Variants in MAPDA observed in about 807,000 individuals in gnomAD.
The protein encoded by MAPDA is N6,N6-dimethyl-AMP deaminase.
At chr15:43,351,054 G>C in the MAPDA span, 5 of 1,549,374 alleles carry the variant, frequency 3.2e-6, no homozygotes, top group South Asian at 4.8e-5. Flanking sequence ...AAGGTGTTCC[G>C]TGTGAAGTAT....
chr15:43,338,408 A>G, the MAPDA span, among the ~76,000 whole-genome samples: 2 of 152,222 alleles, frequency 1.3e-5, no homozygotes, highest in South Asian at 2.1e-4. Context: ...TGTACCAGAC[A>G]TTATTCTTAG....
At chr15:43,350,300 G>C in the MAPDA span, among the ~76,000 whole-genome samples, 1 of 149,558 alleles carries the variant, frequency 6.7e-6, no homozygotes. Context: ...GGATGGTCTC[G>C]ATCTCCTGAC....
the MAPDA span, among the ~76,000 whole-genome samples, chr15:43,342,047 C>G: frequency 6.6e-6 from 1 of 152,048 alleles, no homozygotes; most frequent in African/African-American, 2.4e-5. Flanking sequence ...CCATGTTGGC[C>G]AGGGTGGTCT....
At chr15:43,344,369 G>GA in the MAPDA span, among the ~76,000 whole-genome samples, 1 of 149,184 alleles carries the variant, frequency 6.7e-6, no homozygotes, top group Non-Finnish European at 1.5e-5. Context: ...GTTGCTAAGT[G>GA]AAAAAAAAAG....
At chr15:43,334,633 T>TTATATATATATATATATATATATA in the MAPDA span, among the ~76,000 whole-genome samples, 1,229 of 64,694 alleles carry the variant, frequency 0.019, 105 homozygotes, top group Non-Finnish European at 0.033. Flanking sequence ...CTCAAAAAAA[T>TTATATATATATATATATATATATA]TATATATATA....
chr15:43,352,029 C>T, the MAPDA span: 3 of 1,373,654 alleles, frequency 2.2e-6, no homozygotes, highest in Non-Finnish European at 2.9e-6. Context: ...TCCACCACTC[C>T]TTTGAAGCAT....
chr15:43,335,827 G>T, the MAPDA span: 1 of 1,612,370 alleles, frequency 6.2e-7, no homozygotes. Context: ...CTTTGGAAGA[G>T]TAAGTGTGGG....
At chr15:43,354,165 T>C in the MAPDA span, 1 of 152,126 alleles carries the variant, frequency 6.6e-6, no homozygotes, top group Non-Finnish European at 1.5e-5. Flanking sequence ...GGGAAAAAAC[T>C]CCACACATTT....
the MAPDA span, among the ~76,000 whole-genome samples, chr15:43,334,633 T>TAATATATATATATATATATATATATATA: frequency 1.5e-5 from 1 of 65,142 alleles, no homozygotes; most frequent in Non-Finnish European, 4.7e-5. Context: ...CTCAAAAAAA[T>TAATATATATATATATATATATATATATA]TATATATATA....
chr15:43,330,387 C>A, the MAPDA span: 1 of 1,585,054 alleles, frequency 6.3e-7, no homozygotes, highest in Non-Finnish European at 8.5e-7. Flanking sequence ...GCAAAGGGGT[C>A]CTGCACGTAC....
At chr15:43,354,382 G>T in the MAPDA span, 1 of 152,064 alleles carries the variant, frequency 6.6e-6, no homozygotes, top group African/African-American at 2.4e-5. Context: ...AAATTGCACA[G>T]TAAAAACATC....
the MAPDA span, among the ~76,000 whole-genome samples, chr15:43,333,109 G>A: frequency 6.6e-6 from 1 of 152,236 alleles, no homozygotes; most frequent in South Asian, 2.1e-4. Flanking sequence ...CACAAATTAA[G>A]GTCAGGATCC....
the MAPDA span, chr15:43,351,779 A>C: frequency 2.6e-6 from 4 of 1,550,204 alleles, no homozygotes. Context: ...TTTGCAACAC[A>C]CCTTTCTCAA....
At chr15:43,330,398 C>T in the MAPDA span, 1 of 1,579,664 alleles carries the variant, frequency 6.3e-7, no homozygotes, top group South Asian at 1.2e-5. Flanking sequence ...CTGCACGTAC[C>T]CGCGCGCGGC....
the MAPDA span, among the ~76,000 whole-genome samples, chr15:43,333,713 T>TTATTTC: frequency 6.6e-6 from 1 of 152,312 alleles, no homozygotes; most frequent in Admixed American, 6.5e-5. Context: ...TTCAATACAG[T>TTATTTC]AATATTTCAC....
At chr15:43,335,247 A>G in the MAPDA span, 1 of 1,537,378 alleles carries the variant, frequency 6.5e-7, no homozygotes, top group Non-Finnish European at 8.9e-7. Flanking sequence ...CATCAAAGTA[A>G]ATTTTGGCTG....
chr15:43,344,972 T>G, the MAPDA span, among the ~76,000 whole-genome samples: 1 of 152,100 alleles, frequency 6.6e-6, no homozygotes, highest in Non-Finnish European at 1.5e-5. Flanking sequence ...GATCTCACCC[T>G]CCTAAGAACA....
chr15:43,342,977 C>G, the MAPDA span: 1 of 1,528,486 alleles, frequency 6.5e-7, no homozygotes, highest in Non-Finnish European at 8.9e-7. Context: ...CATGTATTTT[C>G]TATGTGTCCT....
At chr15:43,334,965 A>G in the MAPDA span, 3 of 653,138 alleles carry the variant, frequency 4.6e-6, no homozygotes, top group South Asian at 2.1e-5. Flanking sequence ...ACCCAGATCT[A>G]CACATACAGC....
Sources: gnomAD v4.1 joint callset for allele counts (sites outside exome capture counted in the v4.1 genomes callset) on GRCh38, gnomAD v4.1.1 for gene constraint, MANE v1.5 for transcripts, NCBI Gene and HGNC (gene_info 2026-07-23, HGNC 2026-07-21) for gene names.